The following RORA variants were observed in gnomAD, a reference collection of about 807,000 sequenced individuals.
The protein encoded by RORA is nuclear receptor ROR-alpha.
Under a neutral mutation model 69.5 loss-of-function variants are expected in RORA, and 7 were observed. That is an observed-to-expected ratio of 0.10 (90% CI 0.06 to 0.19). The LOEUF is 0.19. Ranked by LOEUF, RORA falls within the 10% of genes least tolerant of loss-of-function variation. The probability of loss-of-function intolerance (pLI) is 1.00; values close to 1 mark genes in which losing one functional copy is unlikely to be tolerated. For missense variants in RORA, 457 were observed against 663.0 expected (o/e 0.69, Z 3.41); for synonymous variants, 261 against 240.8 (o/e 1.08, Z -0.78).
chr15:60,852,570 GA>G (rs556113769), intron 1 of RORA, among the ~76,000 whole-genome samples: 1 of 152,068 alleles, frequency 6.6e-6, no homozygotes, highest in African/African-American at 2.4e-5. Flanking sequence ...GACAAGTAGT[GA>G]AAAAAAGCTA....
intron 1 of RORA, among the ~76,000 whole-genome samples, chr15:61,206,913 C>G (rs1367540473): frequency 1.3e-5 from 2 of 152,152 alleles, no homozygotes; most frequent in Non-Finnish European, 2.9e-5. Flanking sequence ...GTGTGATGCT[C>G]TAAAGGATCA....
At chr15:60,815,705 G>C (rs902147390) in intron 1 of RORA, among the ~76,000 whole-genome samples, 1 of 147,214 alleles carries the variant, frequency 6.8e-6, no homozygotes, top group African/African-American at 2.5e-5. Context: ...CTCTTCATTA[G>C]AGTCCAGTCA....
At chr15:61,011,653 T>C (rs1174840106) in intron 1 of RORA, among the ~76,000 whole-genome samples, 1 of 152,138 alleles carries the variant, frequency 6.6e-6, no homozygotes, top group African/African-American at 2.4e-5. Flanking sequence ...GTATTAGCTA[T>C]TTGACACTCA....
chr15:60,990,611 C>T (rs1038053863), intron 1 of RORA, among the ~76,000 whole-genome samples: 6 of 152,010 alleles, frequency 3.9e-5, no homozygotes, highest in African/African-American at 7.2e-5. Flanking sequence ...CTTGGGTTCT[C>T]GGAATGAGGC....
intron 1 of RORA, among the ~76,000 whole-genome samples, chr15:61,170,811 T>C (rs2079578686): frequency 6.6e-6 from 1 of 152,200 alleles, no homozygotes; most frequent in African/African-American, 2.4e-5. Context: ...CAACCTTGAA[T>C]GAAAGCAAAT....
chr15:60,517,292 C>CAG (rs757933086), intron 3 of RORA, among the ~76,000 whole-genome samples: 17 of 151,882 alleles, frequency 1.1e-4, no homozygotes, highest in Non-Finnish European at 2.2e-4. Flanking sequence ...AGGACCCTGA[C>CAG]TTCTCACTCC....
At chr15:60,571,195 A>G (rs981536957) in intron 2 of RORA, among the ~76,000 whole-genome samples, 13 of 151,892 alleles carry the variant, frequency 8.6e-5, no homozygotes, top group Non-Finnish European at 1.3e-4. Context: ...TGCCTCCCAC[A>G]GGAGACCACA....
chr15:60,783,066 C>T (rs768280807), intron 1 of RORA, among the ~76,000 whole-genome samples: 1 of 152,178 alleles, frequency 6.6e-6, no homozygotes, highest in African/African-American at 2.4e-5. Context: ...CAGACATACA[C>T]ACAAAATTCC....
At chr15:61,086,410 TGA>T (rs1170712834) in intron 1 of RORA, among the ~76,000 whole-genome samples, 1 of 152,222 alleles carries the variant, frequency 6.6e-6, no homozygotes, top group Non-Finnish European at 1.5e-5. Context: ...TAGTTGTAAA[TGA>T]GAACTTAATG....
intron 1 of RORA, among the ~76,000 whole-genome samples, chr15:60,863,958 C>T (rs2073459181): frequency 6.6e-6 from 1 of 152,144 alleles, no homozygotes; most frequent in Non-Finnish European, 1.5e-5. Flanking sequence ...AGGTGCGTGC[C>T]ACTGTGCCCA....
intron 1 of RORA, among the ~76,000 whole-genome samples, chr15:61,026,081 T>C (rs950113838): frequency 2.0e-5 from 3 of 152,238 alleles, no homozygotes; most frequent in Non-Finnish European, 4.4e-5. Context: ...CTCATGGGAA[T>C]AGACATCTGA....
At chr15:60,626,373 G>A (rs981430068) in intron 2 of RORA, among the ~76,000 whole-genome samples, 4 of 152,126 alleles carry the variant, frequency 2.6e-5, no homozygotes, top group African/African-American at 7.2e-5. Flanking sequence ...TTTGAAATTC[G>A]GGTTTTGTTG....
At chr15:60,845,978 C>A (rs1470832524) in intron 1 of RORA, among the ~76,000 whole-genome samples, 1 of 152,198 alleles carries the variant, frequency 6.6e-6, no homozygotes, top group Non-Finnish European at 1.5e-5. Context: ...ATCTCCTGAC[C>A]TCGTGATCCG....
At chr15:61,120,718 AAC>A (rs1204698795) in intron 1 of RORA, among the ~76,000 whole-genome samples, 2 of 151,526 alleles carry the variant, frequency 1.3e-5, no homozygotes, top group Non-Finnish European at 1.5e-5. Context: ...AAAAAAAAAA[AAC>A]ATACCCTACT....
At chr15:61,046,329 A>T (rs995009781) in intron 1 of RORA, among the ~76,000 whole-genome samples, 1 of 152,172 alleles carries the variant, frequency 6.6e-6, no homozygotes, top group Non-Finnish European at 1.5e-5. Context: ...TTCTGGCAAA[A>T]CATGGTCAGC....
At chr15:61,154,531 CAGGTCACAGAT>C (rs1204601895) in intron 1 of RORA, among the ~76,000 whole-genome samples, 1 of 152,158 alleles carries the variant, frequency 6.6e-6, no homozygotes, top group Non-Finnish European at 1.5e-5. Flanking sequence ...CAGTCACAGA[CAGGTCACAGAT>C]CTACGTGACC....
chr15:60,865,537 C>T (rs1467679879), intron 1 of RORA, among the ~76,000 whole-genome samples: 1 of 152,230 alleles, frequency 6.6e-6, no homozygotes, highest in Non-Finnish European at 1.5e-5. Context: ...CAATGCCCTG[C>T]TGTTACACTT....
At chr15:60,609,105 A>C (rs1169655788) in intron 2 of RORA, among the ~76,000 whole-genome samples, 1 of 152,196 alleles carries the variant, frequency 6.6e-6, no homozygotes, top group African/African-American at 2.4e-5. Context: ...TCACATGGTC[A>C]GGAGGTCTAG....
intron 1 of RORA, among the ~76,000 whole-genome samples, chr15:60,708,343 A>T (rs2071095315): frequency 6.6e-6 from 1 of 151,658 alleles, no homozygotes; most frequent in Non-Finnish European, 1.5e-5. Flanking sequence ...AATCGCTTGA[A>T]TCCAGGAGGC....
Sources: allele counts gnomAD v4.1 joint callset (sites outside exome capture counted in the v4.1 genomes callset), GRCh38; gene constraint gnomAD v4.1.1; transcripts MANE v1.5; gene names NCBI Gene and HGNC (gene_info 2026-07-23, HGNC 2026-07-21).